The following ULK4 variants were observed in gnomAD, a reference collection of about 807,000 sequenced individuals.
ULK4 encodes unc-51 like kinase 4, also known as inactive serine/threonine-protein kinase ULK4.
A neutral mutation model predicts 160.6 loss-of-function variants in ULK4; 133 were observed. The ratio of observed to expected loss-of-function variants is 0.83; its 90% CI spans 0.72 to 0.96. ULK4 has a LOEUF of 0.96. Ranked by LOEUF, ULK4 falls within the 40% of genes least tolerant of loss-of-function variation. The pLI, the probability that ULK4 is intolerant of heterozygous loss-of-function variation, is 0.00. For synonymous variants in ULK4, 534 were observed against 539.8 expected, an observed-to-expected ratio of 0.99 and a Z score of 0.15; for missense variants, 1,580 against 1,499.5, an observed-to-expected ratio of 1.05 and a Z score of -0.89.
chr3:41,317,758 T>C (rs2080173326), intron 35 of ULK4, among the ~76,000 whole-genome samples: 1 of 152,114 alleles, frequency 6.6e-6, no homozygotes, highest in Non-Finnish European at 1.5e-5. Context: ...CAGGAAAAAA[T>C]TACCAAACTA....
At chr3:41,889,155 C>A (rs1222733563) in intron 16 of ULK4, among the ~76,000 whole-genome samples, 1 of 151,946 alleles carries the variant, frequency 6.6e-6, no homozygotes, top group Non-Finnish European at 1.5e-5. Flanking sequence ...AATTTTGTTC[C>A]CTTTTTTTCA....
intron 35 of ULK4, among the ~76,000 whole-genome samples, chr3:41,313,483 ATCT>A (rs1389857662): frequency 1.3e-5 from 2 of 151,812 alleles, no homozygotes; most frequent in Non-Finnish European, 2.9e-5. Flanking sequence ...TTTGGTGTTG[ATCT>A]TCTCATTTTT....
chr3:41,843,192 C>CCAAATAAGCCACCAA (rs1485864148), intron 17 of ULK4, among the ~76,000 whole-genome samples: 1 of 151,952 alleles, frequency 6.6e-6, no homozygotes, highest in Non-Finnish European at 1.5e-5. Flanking sequence ...CAAATAAGCA[C>CCAAATAAGCCACCAA]ATAAAAAGAT....
chr3:41,747,227 A>G lies in ULK4; in HGVS notation c.2321+7134T>C, dbSNP rs547152571. ...ATAAGATGACAAGCTACACATGGAG[A>G]GAAAAAATTTGCAAACCGTATATCT... On this transcript the variant is annotated intron_variant, in intron 22 of 36. Coordinates refer to ENST00000301831, the MANE Select transcript of ULK4 (RefSeq NM_017886.4). Among the ~76,000 whole-genome samples the G allele has an allele frequency of 3.0e-4, 46 of 151,922 alleles. 2 individuals are homozygous for G. Among genetic ancestry groups the G allele is most frequent in the Non-Finnish European group, 1.5e-4 (10 of 68,030 alleles).
chr3:41,304,572 G>A (rs970257520), intron 35 of ULK4, among the ~76,000 whole-genome samples: 5 of 152,156 alleles, frequency 3.3e-5, no homozygotes, highest in Admixed American at 6.5e-5. Flanking sequence ...GAGAAAGTCT[G>A]GGGGCTCATA....
intron 9 of ULK4, among the ~76,000 whole-genome samples, 190 bp from the exon 10 acceptor site, chr3:41,911,849 A>T (rs1698798641): frequency 6.6e-6 from 1 of 152,216 alleles, no homozygotes; most frequent in African/African-American, 2.4e-5. Context: ...ACGTCACTGT[A>T]GTCCCTCAAG....
chr3:41,420,475 C>CTTTTTTTTTTTTTTTTTTTTTTTTT lies in ULK4; in HGVS notation c.3493-22236_3493-22212dup, dbSNP rs1165381982. On this transcript the variant is annotated intron_variant, in intron 34 of 36. Coordinates refer to ENST00000301831, the MANE Select transcript of ULK4 (RefSeq NM_017886.4). ...GGATTTTTCAGTTTTCCAGTTCTTT[C>CTTTTTTTTTTTTTTTTTTTTTTTTT]TTTTTTTTTTTTTTTTTTTTTTTTT... 6.1e-4 allele frequency among the ~76,000 whole-genome samples: 25 copies of CTTTTTTTTTTTTTTTTTTTTTTTTT among 41,184 alleles called. 7 individuals are homozygous for CTTTTTTTTTTTTTTTTTTTTTTTTT. The highest frequency in any genetic ancestry group is 1.6e-3 in the African/African-American group (16 of 10,048). 27.0% of individuals were successfully genotyped at this position (41,184 alleles called of 152,430 possible). A position where few individuals can be genotyped will look rare whatever the true frequency, so the allele number is the denominator to read the frequency against.
intron 34 of ULK4, among the ~76,000 whole-genome samples, chr3:41,413,467 T>G: frequency 6.6e-6 from 1 of 152,142 alleles, no homozygotes. Flanking sequence ...ACTGACTTCA[T>G]CTAAATTAAA....
intron 31 of ULK4, among the ~76,000 whole-genome samples, chr3:41,571,768 C>G (rs1189975239): frequency 6.6e-6 from 1 of 152,108 alleles, no homozygotes; most frequent in Admixed American, 6.5e-5. Context: ...GGTGAAAGGG[C>G]AATACAGGGG....
At chr3:41,430,812 C>CTATTAAATATCCACAT in intron 34 of ULK4, among the ~76,000 whole-genome samples, 1 of 151,884 alleles carries the variant, frequency 6.6e-6, no homozygotes, top group African/African-American at 2.4e-5. Context: ...AATATCCACA[C>CTATTAAATATCCACAT]TATTAAATAT....
chr3:41,392,800 G>A (rs529053119), intron 35 of ULK4, among the ~76,000 whole-genome samples: 4 of 152,234 alleles, frequency 2.6e-5, no homozygotes, highest in East Asian at 3.9e-4. Flanking sequence ...AAATGCATTT[G>A]TCAGGCCTCC....
At chr3:41,725,959 G>A (rs1258709853) in intron 22 of ULK4, among the ~76,000 whole-genome samples, 6 of 152,142 alleles carry the variant, frequency 3.9e-5, no homozygotes, top group Non-Finnish European at 1.5e-5. Context: ...ATCAGTAACA[G>A]CTACCCCAGA....
At chr3:41,656,416 G>A (rs1417794978) in intron 30 of ULK4, among the ~76,000 whole-genome samples, 4 of 151,934 alleles carry the variant, frequency 2.6e-5, no homozygotes, top group Non-Finnish European at 1.5e-5. Context: ...AAAAGACATG[G>A]CATTAAAAAA....
intron 30 of ULK4, among the ~76,000 whole-genome samples, chr3:41,626,500 C>G (rs1242608493): frequency 1.3e-5 from 2 of 149,300 alleles, no homozygotes; most frequent in African/African-American, 4.9e-5. Context: ...AAGAATGAGT[C>G]AATACTTTTC....
At chr3:41,757,112 A>G (rs1458520904) in intron 21 of ULK4, among the ~76,000 whole-genome samples, 2 of 152,156 alleles carry the variant, frequency 1.3e-5, no homozygotes, top group African/African-American at 2.4e-5. Flanking sequence ...CTTGATATAT[A>G]AATATCAATA....
chr3:41,886,469 A>G (rs945715016), intron 16 of ULK4, among the ~76,000 whole-genome samples: 3 of 152,230 alleles, frequency 2.0e-5, no homozygotes, highest in East Asian at 3.8e-4. Flanking sequence ...ACAAAAGGCA[A>G]ACAGGATTTC....
At chr3:41,881,239 A>T (rs990436691) in intron 17 of ULK4, among the ~76,000 whole-genome samples, 1 of 150,966 alleles carries the variant, frequency 6.6e-6, no homozygotes, top group African/African-American at 2.4e-5. Context: ...CAAATGGTAA[A>T]AATCACCAGT....
intron 20 of ULK4, among the ~76,000 whole-genome samples, chr3:41,795,960 G>A (rs2040289064): frequency 6.6e-6 from 1 of 152,196 alleles, no homozygotes; most frequent in Admixed American, 6.5e-5. Flanking sequence ...CAATAAAGTG[G>A]AAGAACTTAA....
At chr3:41,405,151 C>T (rs1225831896) in intron 34 of ULK4, among the ~76,000 whole-genome samples, 1 of 151,890 alleles carries the variant, frequency 6.6e-6, no homozygotes, top group Non-Finnish European at 1.5e-5. Context: ...TCTAGTAGTC[C>T]CCAGTGTCTA....
Sources: allele counts gnomAD v4.1 joint callset (sites outside exome capture counted in the v4.1 genomes callset), GRCh38; gene constraint gnomAD v4.1.1; transcripts MANE v1.5; gene names NCBI Gene and HGNC (gene_info 2026-07-23, HGNC 2026-07-21).